Variants in HDGFL2 observed in about 807,000 individuals in gnomAD.
HDGFL2 encodes the protein hepatoma-derived growth factor-related protein 2.
HDGFL2 carries 36 observed loss-of-function variants against 77.1 expected under a neutral mutation model. That is an observed-to-expected ratio of 0.47 (90% confidence interval 0.36 to 0.62). HDGFL2 has a LOEUF of 0.62. Ranked by LOEUF, HDGFL2 falls within the 20% of genes least tolerant of loss-of-function variation. The pLI is 0.00. For missense variants in HDGFL2, 976 were observed against 973.4 expected (o/e 1.00, Z -0.04); for synonymous variants, 463 against 413.1 (o/e 1.12, Z -1.46).
At chr19:4,497,031 C>G (rs545762859) in intron 10 of HDGFL2, 1 of 392,872 alleles carries the variant, frequency 2.5e-6, no homozygotes, top group Middle Eastern at 8.7e-4. Flanking sequence ...CCCGCCACCA[C>G]GCCTGGCTAA....
intron 6 of HDGFL2, among the ~76,000 whole-genome samples, chr19:4,492,054 C>T (rs1411523705): frequency 6.6e-6 from 1 of 152,178 alleles, no homozygotes; most frequent in Non-Finnish European, 1.5e-5. Flanking sequence ...TTCTGGGATG[C>T]TGGCATCAGA....
chr19:4,482,296 A>C (rs1036545631), intron 3 of HDGFL2, among the ~76,000 whole-genome samples: 2 of 150,002 alleles, frequency 1.3e-5, no homozygotes, highest in African/African-American at 4.9e-5. Context: ...TGCAAGCTCC[A>C]CCTCCCAAGT....
rs766940837 is a variant in HDGFL2 at position 4,494,256 on chromosome 19, G to A, written c.1005G>A (p.Gln335=). The A allele has an allele frequency of 2.3e-5, 33 of 1,460,392 alleles. No individual in the cohort carries two copies. The South Asian group carries it at 3.8e-4, about 17-fold the overall frequency. The allele number at this position is 1,460,392 out of a possible 1,614,324, so 90.5% of individuals were successfully genotyped here. A position where few individuals can be genotyped will look rare whatever the true frequency, so the allele number is the denominator to read the frequency against. The part of the protein sequence containing the change: ...RELEARRRRE[Q]EEELRRLREQ... ...TGGAGGCCCGGCGGCGGCGAGAGCAGGAGGAGGAGCTGCGGCGCCTGCGGG... is the reference window on the plus strand; with the variant it reads ...TGGAGGCCCGGCGGCGGCGAGAGCAAGAGGAGGAGCTGCGGCGCCTGCGGG... The change falls in exon 9 of 16, where the codon CAG becomes CAA. Residue 335 remains glutamine (Q), a synonymous_variant. Coordinates refer to ENST00000616600, the MANE Select transcript of HDGFL2 (RefSeq NM_001001520.3).
chr19:4,483,356 G>A (rs1289832687), intron 3 of HDGFL2, among the ~76,000 whole-genome samples: 4 of 152,252 alleles, frequency 2.6e-5, no homozygotes, highest in African/African-American at 4.8e-5. Context: ...TCCTCCCGGC[G>A]CGGGAGGACC....
intron 3 of HDGFL2, 107 bp downstream of exon 3, chr19:4,475,690 G>A (rs1975054660): frequency 7.5e-7 from 1 of 1,340,034 alleles, no homozygotes; most frequent in Admixed American, 2.9e-5. Context: ...GGGCTCGATC[G>A]TTCCCTGTGG....
intron 3 of HDGFL2, among the ~76,000 whole-genome samples, chr19:4,487,586 T>C (rs1975395907): frequency 6.6e-6 from 1 of 152,204 alleles, no homozygotes; most frequent in African/African-American, 2.4e-5. Context: ...CATACGCCCG[T>C]GTTTTCTTCC....
In HDGFL2 at chr19:4,498,802, C is replaced by G; in HGVS notation, c.1474-12C>G. 1 of 1,590,642 alleles carries G rather than the reference C, an allele frequency of 6.3e-7. No homozygotes were observed. The highest frequency in any genetic ancestry group is 8.6e-7 in the Non-Finnish European group (1 of 1,165,416). On this transcript the variant is annotated splice_polypyrimidine_tract_variant and intron_variant, in intron 12 of 15. Transcript: ENST00000616600. ...GCCAGGCCGTCTCCCTCACTCCCAC[C>G]CCACCCTGCAGGACGTGAAGAGGTG...
At chr19:4,479,958 G>A (rs1017352271) in intron 3 of HDGFL2, among the ~76,000 whole-genome samples, 7 of 151,576 alleles carry the variant, frequency 4.6e-5, no homozygotes, top group African/African-American at 1.5e-4. Flanking sequence ...CCCAGCTGGT[G>A]TCTGAAGCCT....
At chr19:4,478,477 A>C (rs1436052507) in intron 3 of HDGFL2, among the ~76,000 whole-genome samples, 1 of 152,072 alleles carries the variant, frequency 6.6e-6, no homozygotes, top group Non-Finnish European at 1.5e-5. Context: ...CTGGGATTAC[A>C]GGTGTGAGCC....
In HDGFL2 at chr19:4,491,562, C is replaced by T. The variant is rs1975512911; in HGVS notation, c.490-4C>T. ...ACTGAGCATTCAGGCCGTTCCCCTTCCAGATGTCGGTCTCGAAACGAGCCC... is the reference window on the plus strand; with the variant it reads ...ACTGAGCATTCAGGCCGTTCCCCTTTCAGATGTCGGTCTCGAAACGAGCCC... On this transcript the variant is annotated splice_polypyrimidine_tract_variant and splice_region_variant and intron_variant, in intron 4 of 15. Transcript: ENST00000616600. The T allele has an allele frequency of 1.9e-6, 3 of 1,613,376 alleles. No homozygotes were observed. Among genetic ancestry groups the T allele is most frequent in the Non-Finnish European group, 2.5e-6 (3 of 1,179,726 alleles).
rs538205529 is a variant in HDGFL2, at chr19:4,497,207, T to C, written c.1329-751T>C. The C allele has an allele frequency of 1.5e-4, 65 of 447,966 alleles. 1 individual carries two copies. Among genetic ancestry groups the C allele is most frequent in the South Asian group, 1.0e-3 (65 of 64,040 alleles). 27.7% of individuals were successfully genotyped at this position (447,966 alleles called of 1,614,324 possible). ...GTTTTTGTTTTTGTTTTTGTTTTTT[T>C]TTGAGACAGAGTCTTGGGCTTGCTC... On this transcript the variant is annotated intron_variant, in intron 10 of 15. Coordinates refer to ENST00000616600, the MANE Select transcript of HDGFL2 (RefSeq NM_001001520.3).
intron 12 of HDGFL2, among the ~76,000 whole-genome samples, 178 bp downstream of exon 12, chr19:4,498,554 G>T (rs2145215239): frequency 6.6e-6 from 1 of 152,318 alleles, no homozygotes; most frequent in South Asian, 2.1e-4. Context: ...TGGGGGAGCT[G>T]GTCCTGACAT....
chr19:4,496,455 C>A, intron 10 of HDGFL2, 50 bp downstream of exon 10: 1 of 1,386,010 alleles, frequency 7.2e-7, no homozygotes, highest in Non-Finnish European at 1.0e-6. Context: ...CACCCCGCAT[C>A]ACCCCACAAC....
At chr19:4,484,016 C>T (rs1975292201) in intron 3 of HDGFL2, among the ~76,000 whole-genome samples, 1 of 151,410 alleles carries the variant, frequency 6.6e-6, no homozygotes, top group Non-Finnish European at 1.5e-5. Context: ...GTCTTGATCT[C>T]CTGACCTCGT....
intron 3 of HDGFL2, among the ~76,000 whole-genome samples, chr19:4,476,746 G>A (rs975248115): frequency 1.3e-5 from 2 of 151,590 alleles, no homozygotes; most frequent in Admixed American, 6.6e-5. Context: ...TTAGAAAAGC[G>A]GAAGGCAAAT....
At chr19:4,499,387 C>CCGGGAGGGGCTG in intron 13 of HDGFL2, 104 bp from the exon 14 acceptor site, 3 of 978,788 alleles carry the variant, frequency 3.1e-6, no homozygotes, top group Admixed American at 2.6e-5. Context: ...AGCTGTGCTC[C>CCGGGAGGGGCTG]CGGGAGGGGC....
intron 9 of HDGFL2, among the ~76,000 whole-genome samples, chr19:4,495,251 T>C (rs369035900): frequency 1.3e-5 from 2 of 151,632 alleles, no homozygotes. Flanking sequence ...AGCCAGGCGT[T>C]GTGGCAGGTG....
chr19:4,498,012 G>A lies in HDGFL2; in HGVS notation c.1383G>A (p.Arg461=), dbSNP rs1975753118. Reference sequence around the variant, plus strand: ...GGTCCGAGGGCTTCTCGATGGACAGGAAGGTAGAGAAGAAGAAAGGTGAGG... The same window carrying A: ...GGTCCGAGGGCTTCTCGATGGACAGAAAGGTAGAGAAGAAGAAAGGTGAGG... ...RKRSEGFSMD[R]KVEKKKEPSV... The change falls in exon 11 of 16, where the codon AGG becomes AGA. Residue 461 remains arginine (R), a synonymous_variant. Coordinates refer to ENST00000616600, the MANE Select transcript of HDGFL2 (RefSeq NM_001001520.3). The A allele has an allele frequency of 1.9e-6, 3 of 1,556,116 alleles. No homozygotes were observed. Among genetic ancestry groups the A allele is most frequent in the Non-Finnish European group, 2.6e-6 (3 of 1,149,476 alleles).
At chr19:4,489,024 A>G (rs985287548) in intron 4 of HDGFL2, 148 bp downstream of exon 4, 47 of 593,100 alleles carry the variant, frequency 7.9e-5, no homozygotes, top group Non-Finnish European at 1.0e-4. Flanking sequence ...CGTGATCTCG[A>G]CTCGCTGCAA....
Sources: allele counts gnomAD v4.1 joint callset (sites outside exome capture counted in the v4.1 genomes callset), GRCh38; gene constraint gnomAD v4.1.1; transcripts MANE v1.5; gene names NCBI Gene and HGNC (gene_info 2026-07-23, HGNC 2026-07-21).